Variants in RAET1L observed in about 807,000 individuals in gnomAD.
RAET1L encodes the protein UL16-binding protein 6.
RAET1L carries 16 observed loss-of-function variants against 23.9 expected under a neutral mutation model. The observed-to-expected ratio is 0.67, with a 90% CI of 0.45 to 1.02. RAET1L has a LOEUF of 1.02. Among genes scored for constraint, RAET1L ranks in the 50% least tolerant of loss-of-function variants. The probability of loss-of-function intolerance (pLI) is 0.00; values close to 1 mark genes in which losing one functional copy is unlikely to be tolerated. For missense variants in RAET1L, 233 were observed against 304.0 expected (o/e 0.77, Z 1.74); for synonymous variants, 70 against 111.2 (o/e 0.63, Z 2.33).
At chr6:150,021,590 C>T (rs1779889231) in intron 2 of RAET1L, among the ~76,000 whole-genome samples, 1 of 124,664 alleles carries the variant, frequency 8.0e-6, no homozygotes, top group Non-Finnish European at 1.7e-5. Flanking sequence ...TGAGCCACTG[C>T]ACCTGGCTTT....
chr6:150,020,536 T>C (rs1338204457), intron 3 of RAET1L, among the ~76,000 whole-genome samples: 61 of 151,772 alleles, frequency 4.0e-4, no homozygotes, highest in Admixed American at 2.9e-3. Flanking sequence ...CTCTGGCTGG[T>C]GTTGGAAGTG....
intron 2 of RAET1L, 99 bp downstream of exon 2, chr6:150,021,881 C>G (rs1004073651): frequency 2.1e-6 from 3 of 1,428,946 alleles, no homozygotes; most frequent in African/African-American, 1.4e-5. Flanking sequence ...CGTGAGCCAC[C>G]GTGCCCAGGA....
chr6:150,019,721 C>A (rs1779863536), intron 4 of RAET1L, among the ~76,000 whole-genome samples: 1 of 143,012 alleles, frequency 7.0e-6, no homozygotes, highest in South Asian at 2.3e-4. Context: ...GTAAAGCTAC[C>A]ATGATGCACC....
chr6:150,020,773 A>G lies in RAET1L; in HGVS notation c.631+132T>C, dbSNP rs1345750009. ...CAGGCATGCCAGTAACCCCAGGAGG[A>G]GGGCCCGACGAGGAGGTCATTTTAA... On this transcript the variant is annotated intron_variant, in intron 3 of 4. Coordinates refer to ENST00000367341, the MANE Select transcript of RAET1L (RefSeq NM_130900.3). 24 of 1,438,212 alleles carry G rather than the reference A, an allele frequency of 1.7e-5. No homozygotes were observed. In the Admixed American group the frequency reaches 4.5e-4, roughly 27 times the overall value. The allele number at this position is 1,438,212 out of a possible 1,614,324, so 89.1% of individuals were successfully genotyped here. A position where few individuals can be genotyped will look rare whatever the true frequency, so the allele number is the denominator to read the frequency against.
At chr6:150,019,597 T>TC (rs1450943998) in intron 4 of RAET1L, among the ~76,000 whole-genome samples, 2 of 102,946 alleles carry the variant, frequency 1.9e-5, no homozygotes, top group Non-Finnish European at 4.7e-5. Flanking sequence ...AGCCCTGCAC[T>TC]CCCTCCTTTT....
Position 150,018,776 on chromosome 6 carries a change from G to T in RAET1L, c.*102C>A. ...TGGAGGCTGCTGGACATACACCGTA[G>T]GTGGTGGGCAGCTGGCCAGACAGAA... is the stretch of plus-strand genomic sequence containing the variant. On this transcript the variant is annotated 3_prime_UTR_variant, in exon 5 of 5. Transcript: ENST00000367341. 1 of 261,048 alleles carries T rather than the reference G, an allele frequency of 3.8e-6. No homozygotes were observed. The highest frequency in any genetic ancestry group is 4.1e-5 in the South Asian group (1 of 24,282). The allele number at this position is 261,048 out of a possible 1,614,324, so 16.2% of individuals were successfully genotyped here. A position where few individuals can be genotyped will look rare whatever the true frequency, so the allele number is the denominator to read the frequency against.
intron 1 of RAET1L, among the ~76,000 whole-genome samples, chr6:150,023,903 C>T (rs1779915445): frequency 6.6e-6 from 1 of 152,178 alleles, no homozygotes; most frequent in Admixed American, 6.5e-5. Flanking sequence ...TTAGGGATGC[C>T]TATTCCTGAA....
At chr6:150,019,176 G>C (rs1020993084) in intron 4 of RAET1L, among the ~76,000 whole-genome samples, 1 of 152,208 alleles carries the variant, frequency 6.6e-6, no homozygotes, top group Admixed American at 6.5e-5. Flanking sequence ...ATGGCAAGGG[G>C]TGGGACAGAC....
chr6:150,019,436 T>C (rs554128768), intron 4 of RAET1L, among the ~76,000 whole-genome samples: 1 of 152,286 alleles, frequency 6.6e-6, no homozygotes, highest in African/African-American at 2.4e-5. Context: ...ATGACTGGGC[T>C]CAGGATCTGG....
chr6:150,023,981 G>C (rs550499217), intron 1 of RAET1L, among the ~76,000 whole-genome samples: 1 of 152,304 alleles, frequency 6.6e-6, no homozygotes, highest in South Asian at 2.1e-4. Context: ...AGGCCCAGCA[G>C]TGAGAAGATG....
chr6:150,021,665 G>A (rs1225246310), intron 2 of RAET1L, among the ~76,000 whole-genome samples: 4 of 130,112 alleles, frequency 3.1e-5, no homozygotes, highest in South Asian at 2.7e-4. Flanking sequence ...GCACCACCTC[G>A]GCTCACTGCA....
At chr6:150,024,808 T>C (rs1414420653) in intron 1 of RAET1L, among the ~76,000 whole-genome samples, 4 of 151,882 alleles carry the variant, frequency 2.6e-5, no homozygotes, top group African/African-American at 4.8e-5. Flanking sequence ...AGTAAGAGGA[T>C]GTGACCTGGG....
intron 1 of RAET1L, 61 bp downstream of exon 1, chr6:150,025,326 T>C (rs958041951): frequency 9.2e-6 from 13 of 1,415,858 alleles, no homozygotes; most frequent in Non-Finnish European, 1.3e-5. Flanking sequence ...TGAAACCCGC[T>C]GCAGTCCACA....
At chr6:150,019,673 C>T (rs893690312) in intron 4 of RAET1L, among the ~76,000 whole-genome samples, 2 of 145,160 alleles carry the variant, frequency 1.4e-5, no homozygotes, top group African/African-American at 2.5e-5. Flanking sequence ...CTCTCTTAGC[C>T]TCAGAGATGG....
At chr6:150,024,285 G>A (rs913119015) in intron 1 of RAET1L, among the ~76,000 whole-genome samples, 2 of 152,186 alleles carry the variant, frequency 1.3e-5, no homozygotes, top group Non-Finnish European at 2.9e-5. Context: ...GACATCACTT[G>A]GAGATGACAC....
At chr6:150,024,099 C>G (rs1231015403) in intron 1 of RAET1L, among the ~76,000 whole-genome samples, 4 of 152,130 alleles carry the variant, frequency 2.6e-5, no homozygotes, top group Non-Finnish European at 5.9e-5. Flanking sequence ...CCCACTCACC[C>G]TCAGCTCACA....
rs1299707404 is a variant in RAET1L, at chr6:150,025,445, C to A, written c.27G>T (p.Leu9Phe). The change falls in exon 1 of 5, where the codon TTG (leucine) becomes TTT (phenylalanine). Residue 9 changes from leucine to phenylalanine, a missense_variant. By Grantham distance (22) the Leu-to-Phe change is conservative. Around this residue, in one of 4 missense-constraint regions of RAET1L, gnomAD observed 42 missense variants for 35.0 expected, o/e 1.20. Coordinates refer to ENST00000367341, the MANE Select transcript of RAET1L (RefSeq NM_130900.3). MAAAAIPA[L>F]LLCLPLLFLL... ...GGAACAGAAGCGGGAGGCACAGAAG[C>A]AAAGCTGGGATGGCGGCTGCTGCCA... 6.2e-6 allele frequency: 10 copies of A among 1,613,924 alleles called. No individual in the cohort carries two copies. Among genetic ancestry groups the A allele is most frequent in the Middle Eastern group, 1.6e-4 (1 of 6,078 alleles).
At chr6:150,021,688 C>T (rs1331465695) in intron 2 of RAET1L, among the ~76,000 whole-genome samples, 2 of 144,606 alleles carry the variant, frequency 1.4e-5, no homozygotes, top group African/African-American at 5.1e-5. Context: ...GTCTGCCTGC[C>T]GGGTTCAAGG....
chr6:150,019,384 A>G (rs1478109935), intron 4 of RAET1L, among the ~76,000 whole-genome samples: 2 of 152,188 alleles, frequency 1.3e-5, no homozygotes, highest in African/African-American at 4.8e-5. Context: ...GCAGCAGCTC[A>G]GATGCTCCTT....
Sources: allele counts gnomAD v4.1 joint callset (sites outside exome capture counted in the v4.1 genomes callset), GRCh38; gene constraint gnomAD v4.1.1; regional missense constraint gnomAD v4.1.1; transcripts MANE v1.5; gene names NCBI Gene and HGNC (gene_info 2026-07-23, HGNC 2026-07-21).